Variants in CCDC30 observed in about 807,000 individuals in gnomAD.
CCDC30 encodes the protein coiled-coil domain-containing protein 30.
Under a neutral mutation model 100.2 loss-of-function variants are expected in CCDC30, and 70 were observed. The ratio of observed to expected loss-of-function variants is 0.70; its 90% CI spans 0.58 to 0.85. The LOEUF is 0.85. Among genes scored for constraint, CCDC30 ranks in the 40% least tolerant of loss-of-function variants. The pLI is 0.00. For synonymous variants in CCDC30, 233 were observed against 269.5 expected (o/e 0.86, Z 1.33); for missense variants, 652 against 771.2 (o/e 0.85, Z 1.83).
Position 42,587,729 on chromosome 1 carries a change from TG to T in CCDC30, c.1002-1591del, listed in dbSNP as rs1362706208. 7.9e-5 allele frequency among the ~76,000 whole-genome samples: 12 copies of T among 152,354 alleles called. 1 individual carries two copies. Among genetic ancestry groups the T allele is most frequent in the African/African-American group, 2.9e-4 (12 of 41,578 alleles). ...GGATTTTACTGCCCTAGCATGCAGG[TG>T]AGACTTTTGCCCACCAGTACTATTT... On this transcript the variant is annotated intron_variant, in intron 9 of 16. Transcript: ENST00000668663.
intron 11 of CCDC30, among the ~76,000 whole-genome samples, chr1:42,633,865 T>C (rs148457578): frequency 6.6e-6 from 1 of 152,274 alleles, no homozygotes; most frequent in South Asian, 2.1e-4. Flanking sequence ...TGACTCACAG[T>C]TCAGCATGGC....
intron 7 of CCDC30, among the ~76,000 whole-genome samples, chr1:42,569,843 G>A (rs377299967): frequency 2.6e-5 from 4 of 152,310 alleles, no homozygotes; most frequent in East Asian, 3.9e-4. Context: ...GGATGAAGCT[G>A]GAAACCATCA....
chr1:42,642,719 C>T (rs1570338811), intron 13 of CCDC30, 110 bp downstream of exon 17: 1 of 1,063,876 alleles, frequency 9.4e-7, no homozygotes, highest in East Asian at 2.9e-5. Context: ...TACCCTATGA[C>T]TCTCGCTCCG....
intron 10 of CCDC30, among the ~76,000 whole-genome samples, chr1:42,599,596 C>T (rs897799016): frequency 1.1e-4 from 16 of 152,134 alleles, no homozygotes; most frequent in Admixed American, 3.9e-4. Flanking sequence ...TTTAAATGCA[C>T]CAATTAAAAA....
At chr1:42,470,257 A>C (rs1451531304) in intron 1 of CCDC30, among the ~76,000 whole-genome samples, 1 of 151,048 alleles carries the variant, frequency 6.6e-6, no homozygotes, top group Admixed American at 6.6e-5. Flanking sequence ...CTTTTAGTTT[A>C]AGAGAGCAAC....
At chr1:42,632,501 C>T (rs1279278678) in intron 11 of CCDC30, among the ~76,000 whole-genome samples, 1 of 151,808 alleles carries the variant, frequency 6.6e-6, no homozygotes, top group Admixed American at 6.6e-5. Flanking sequence ...CGGTAGCTCA[C>T]GACTGTAATC....
intron 15 of CCDC30, among the ~76,000 whole-genome samples, chr1:42,651,606 G>T (rs1648356431): frequency 6.6e-6 from 1 of 152,158 alleles, no homozygotes; most frequent in Non-Finnish European, 1.5e-5. Context: ...GCCCAAACCT[G>T]TAATCCCAGC....
rs1253769060 is a variant in CCDC30 at position 42,596,750 on chromosome 1, C to CA, written c.1164+7270dup. Among the ~76,000 whole-genome samples, 9 of 88,076 alleles carry CA rather than the reference C, an allele frequency of 1.0e-4. No homozygotes were observed. The highest frequency in any genetic ancestry group is 2.9e-4 in the African/African-American group (7 of 24,540). 57.8% of individuals were successfully genotyped at this position (88,076 alleles called of 152,430 possible). On this transcript the variant is annotated intron_variant, in intron 10 of 16. Coordinates refer to ENST00000668663, the Ensembl canonical transcript of CCDC30. The surrounding 1 kb of genome is among the most constrained non-coding windows in gnomAD (Gnocchi z 4.3). ...GCTAAAAGGCAAAAAAACAAACAAA[C>CA]AAACAAACAAAAACAGTTTGAACAG... is the stretch of plus-strand genomic sequence containing the variant.
chr1:42,625,015 C>G (rs149649702), intron 11 of CCDC30, among the ~76,000 whole-genome samples: 1,683 of 152,058 alleles, frequency 0.011, 35 homozygotes, highest in African/African-American at 0.039. Flanking sequence ...TGGGTTCTGG[C>G]CTTTTCTTTA....
intron 14 of CCDC30, 34 bp downstream of exon 18, chr1:42,644,841 A>AATGT: frequency 7.3e-7 from 1 of 1,364,006 alleles, no homozygotes; most frequent in Non-Finnish European, 1.0e-6. Flanking sequence ...GCCTGCCTTT[A>AATGT]ATGTGAAGTT....
intron 11 of CCDC30, among the ~76,000 whole-genome samples, chr1:42,625,223 G>T (rs80296601): frequency 0.011 from 1,675 of 152,094 alleles, 76 homozygotes; most frequent in East Asian, 0.11. Flanking sequence ...GGTATTAGTT[G>T]TAATATCTCA....
rs573256375 is a variant in CCDC30 at position 42,520,708 on chromosome 1, G to A, written c.456+21792G>A. On this transcript the variant is annotated intron_variant, in intron 6 of 16. Transcript: ENST00000668663. The stretch of plus-strand genomic sequence containing the variant: ...CAGGCTGGATTGCAGTGGCGTGATC[G>A]TGGCTTACTGCAGGCTCTGCCTCCT... 1.7e-4 allele frequency among the ~76,000 whole-genome samples: 23 copies of A among 134,432 alleles called. 1 individual carries two copies. The highest frequency in any genetic ancestry group is 4.6e-4 in the African/African-American group (16 of 34,724). 88.2% of individuals were successfully genotyped at this position (134,432 alleles called of 152,430 possible).
intron 6 of CCDC30, among the ~76,000 whole-genome samples, chr1:42,554,688 T>C (rs1246563359): frequency 6.6e-6 from 1 of 152,190 alleles, no homozygotes; most frequent in Non-Finnish European, 1.5e-5. Context: ...AAATTTAAGA[T>C]TGAGGGAATA....
At chr1:42,530,168 G>T (rs987637649) in intron 6 of CCDC30, among the ~76,000 whole-genome samples, 3 of 152,170 alleles carry the variant, frequency 2.0e-5, no homozygotes, top group Non-Finnish European at 4.4e-5. Flanking sequence ...TCATCAGAAG[G>T]TCAGTAGTAG....
chr1:42,463,901 C>T lies in CCDC30; in HGVS notation c.-92+3C>T, dbSNP rs1643484991. ...TCCTCAACATCAGAGGTCATGAAGTCAGTTACCTTCTGCCTTTCAAGCTAC... is the reference window on the plus strand; with the variant it reads ...TCCTCAACATCAGAGGTCATGAAGTTAGTTACCTTCTGCCTTTCAAGCTAC... On this transcript the variant is annotated splice_donor_region_variant and intron_variant, in intron 1 of 16. Transcript: ENST00000668663. The T allele has an allele frequency of 6.6e-6, 1 of 152,158 alleles. No homozygotes were observed. The highest frequency in any genetic ancestry group is 1.5e-5 in the Non-Finnish European group (1 of 68,034). The allele number at this position is 152,158 out of a possible 1,614,324, so 9.4% of individuals were successfully genotyped here.
intron 11 of CCDC30, among the ~76,000 whole-genome samples, chr1:42,626,465 T>A (rs1646935833): frequency 6.6e-6 from 1 of 152,192 alleles, no homozygotes; most frequent in African/African-American, 2.4e-5. Flanking sequence ...TTTCCTTTAG[T>A]GAAGGTGATT....
At chr1:42,507,355 G>T (rs1487554011) in intron 6 of CCDC30, among the ~76,000 whole-genome samples, 1 of 152,146 alleles carries the variant, frequency 6.6e-6, no homozygotes, top group East Asian at 1.9e-4. Context: ...AGACAACTTT[G>T]CTGTGCTTTT....
intron 11 of CCDC30, among the ~76,000 whole-genome samples, chr1:42,626,021 A>G (rs1367718078): frequency 6.6e-6 from 1 of 152,158 alleles, no homozygotes; most frequent in Non-Finnish European, 1.5e-5. Context: ...CCCTTTATAT[A>G]TCTGGGTGCT....
intron 11 of CCDC30, among the ~76,000 whole-genome samples, chr1:42,624,695 C>A (rs1646900623): frequency 1.3e-5 from 2 of 152,130 alleles, no homozygotes. Flanking sequence ...TCCAAGCTGG[C>A]CTTGAACTCC....
Sources: gnomAD v4.1 joint callset for allele counts (sites outside exome capture counted in the v4.1 genomes callset) on GRCh38, gnomAD v4.1.1 for gene constraint, Gnocchi (gnomAD v3.1) non-coding constraint, MANE v1.5 for transcripts, NCBI Gene and HGNC (gene_info 2026-07-23, HGNC 2026-07-21) for gene names.